CSMD1: variants seen among roughly 807,000 people sequenced by gnomAD.
CSMD1 encodes CUB and sushi domain-containing protein 1.
CSMD1 carries 213 observed loss-of-function variants against 417.5 expected under a neutral mutation model. That is an observed-to-expected ratio of 0.51 (90% confidence interval 0.46 to 0.57). CSMD1 has a LOEUF of 0.57. Ranked by LOEUF, CSMD1 falls within the 20% of genes least tolerant of loss-of-function variation. The probability of loss-of-function intolerance (pLI) is 0.00; values close to 1 mark genes in which losing one functional copy is unlikely to be tolerated. For synonymous variants in CSMD1, 2,862 were observed against 1,736.8 expected (o/e 1.65, Z -16.11); for missense variants, 6,923 against 4,529.7 (o/e 1.53, Z -15.17).
intron 2 of CSMD1, among the ~76,000 whole-genome samples, chr8:4,438,643 T>G (rs927875203): frequency 6.6e-6 from 1 of 152,162 alleles, no homozygotes; most frequent in Non-Finnish European, 1.5e-5. Context: ...TCCCATGGAG[T>G]AGTATTTACT....
intron 5 of CSMD1, among the ~76,000 whole-genome samples, chr8:3,869,687 C>T (rs748967136): frequency 1.2e-4 from 19 of 152,198 alleles, no homozygotes; most frequent in South Asian, 4.2e-4. Flanking sequence ...TGCACAGGTG[C>T]GCGCAGCCAG....
chr8:3,871,614 T>A (rs989925785), intron 5 of CSMD1, among the ~76,000 whole-genome samples: 2 of 152,194 alleles, frequency 1.3e-5, no homozygotes, highest in African/African-American at 4.8e-5. Flanking sequence ...AAATTCAGAT[T>A]ATACAGGATA....
chr8:3,185,688 A>T (rs1336286501), intron 36 of CSMD1, among the ~76,000 whole-genome samples: 2 of 152,208 alleles, frequency 1.3e-5, no homozygotes, highest in Non-Finnish European at 2.9e-5. Context: ...AATATATGTG[A>T]ATGATAAGAT....
At chr8:4,919,217 A>G (rs999304161) in intron 1 of CSMD1, among the ~76,000 whole-genome samples, 29 of 152,206 alleles carry the variant, frequency 1.9e-4, no homozygotes, top group Non-Finnish European at 2.9e-5. Context: ...AACACTTTGT[A>G]ATTTAGTCAT....
intron 39 of CSMD1, among the ~76,000 whole-genome samples, chr8:3,151,850 G>A (rs1819214090): frequency 6.6e-6 from 1 of 152,200 alleles, no homozygotes; most frequent in Admixed American, 6.5e-5. Flanking sequence ...TCATTGAGAG[G>A]TAGTATTACT....
At chr8:3,932,825 C>G (rs1453036373) in intron 5 of CSMD1, among the ~76,000 whole-genome samples, 4 of 150,254 alleles carry the variant, frequency 2.7e-5, no homozygotes, top group Non-Finnish European at 5.9e-5. Context: ...TAATATATTT[C>G]TCTTTTTTAT....
chr8:4,383,424 G>T (rs1188160955), intron 3 of CSMD1, among the ~76,000 whole-genome samples: 2 of 152,150 alleles, frequency 1.3e-5, no homozygotes, highest in Admixed American at 6.6e-5. Flanking sequence ...TTTCCGTTAA[G>T]TCCAGCCAGA....
At chr8:3,901,307 T>G (rs1170156514) in intron 5 of CSMD1, among the ~76,000 whole-genome samples, 1 of 152,224 alleles carries the variant, frequency 6.6e-6, no homozygotes, top group Non-Finnish European at 1.5e-5. Flanking sequence ...TCTGCATCAG[T>G]GACACTCTTG....
intron 5 of CSMD1, among the ~76,000 whole-genome samples, chr8:3,873,533 CAG>C (rs1484903426): frequency 6.6e-6 from 1 of 151,930 alleles, no homozygotes; most frequent in Non-Finnish European, 1.5e-5. Context: ...AAGGGAAAAA[CAG>C]ACACTGAGAC....
At chr8:4,599,277 T>A (rs185433985) in intron 2 of CSMD1, among the ~76,000 whole-genome samples, 44 of 152,080 alleles carry the variant, frequency 2.9e-4, no homozygotes, top group Non-Finnish European at 3.8e-4. Flanking sequence ...GGAGATAAAC[T>A]GTATACTGTG....
intron 46 of CSMD1, among the ~76,000 whole-genome samples, chr8:3,097,562 G>A (rs1360510594): frequency 2.0e-5 from 3 of 152,316 alleles, no homozygotes; most frequent in East Asian, 1.9e-4. Flanking sequence ...ATCATACAGG[G>A]CAATGGATAT....
At chr8:3,909,786 G>A (rs1363230097) in intron 5 of CSMD1, among the ~76,000 whole-genome samples, 2 of 152,148 alleles carry the variant, frequency 1.3e-5, no homozygotes, top group African/African-American at 4.8e-5. Flanking sequence ...AATTTGAAAA[G>A]TGTTTAATAA....
At chr8:4,575,553 A>C (rs1799098220) in intron 2 of CSMD1, among the ~76,000 whole-genome samples, 1 of 152,174 alleles carries the variant, frequency 6.6e-6, no homozygotes, top group African/African-American at 2.4e-5. Flanking sequence ...TTGGCCATCA[A>C]ACTCACTTTG....
chr8:3,131,702 C>T (rs1782443997), intron 41 of CSMD1, among the ~76,000 whole-genome samples: 1 of 152,036 alleles, frequency 6.6e-6, no homozygotes. Flanking sequence ...GAACTCCTGA[C>T]CTCAGGTGAT....
At chr8:3,983,722 G>A (rs1407711728) in intron 5 of CSMD1, among the ~76,000 whole-genome samples, 1 of 152,208 alleles carries the variant, frequency 6.6e-6, no homozygotes, top group Non-Finnish European at 1.5e-5. Flanking sequence ...TGCTAAGTAT[G>A]GTTAGATGTT....
intron 8 of CSMD1, among the ~76,000 whole-genome samples, chr8:3,587,456 A>T (rs1391850191): frequency 6.6e-6 from 1 of 152,342 alleles, no homozygotes; most frequent in East Asian, 1.9e-4. Flanking sequence ...GAAAAGAAGC[A>T]CAGTTGTCAG....
rs1486288120 is a variant in CSMD1, at chr8:3,040,498, G to C, written c.7661-10985C>G. Among the ~76,000 whole-genome samples, 20 of 148,798 alleles carry C rather than the reference G, an allele frequency of 1.3e-4. No individual in the cohort carries two copies. The East Asian group carries it at 3.5e-3, about 26-fold the overall frequency. ...TATATAAACATATAAACATATATAT[G>C]TATATACAAAATGATAACAAATTGG... On this transcript the variant is annotated intron_variant, in intron 50 of 69. Transcript: ENST00000635120.
chr8:4,141,458 C>A (rs34107765), intron 3 of CSMD1, among the ~76,000 whole-genome samples: 45,350 of 150,896 alleles, frequency 0.3, 8,482 homozygotes, highest in Non-Finnish European at 0.39. Context: ...CACGGTTTAA[C>A]ACTGCTTTTG....
intron 5 of CSMD1, among the ~76,000 whole-genome samples, chr8:3,786,824 C>CA (rs1799481656): frequency 6.6e-6 from 1 of 152,146 alleles, no homozygotes; most frequent in Non-Finnish European, 1.5e-5. Flanking sequence ...GAAACAGAAT[C>CA]TCTACTGGCT....
Sources: allele counts gnomAD v4.1 joint callset (sites outside exome capture counted in the v4.1 genomes callset), GRCh38; gene constraint gnomAD v4.1.1; transcripts MANE v1.5; gene names NCBI Gene and HGNC (gene_info 2026-07-23, HGNC 2026-07-21).